FARP1: variants seen among roughly 807,000 people sequenced by gnomAD.
FARP1 encodes the protein FERM, ARHGEF and pleckstrin domain-containing protein 1.
In FARP1, 52 loss-of-function variants were observed where a neutral mutation model predicts 128.8. The observed-to-expected ratio is 0.40, with a 90% CI of 0.32 to 0.51. FARP1 has a LOEUF of 0.51. Ranked by LOEUF, FARP1 falls within the 20% of genes least tolerant of loss-of-function variation. The probability of loss-of-function intolerance (pLI) is 0.45; values close to 1 mark genes in which losing one functional copy is unlikely to be tolerated. For missense variants in FARP1, 1,333 were observed against 1,367.9 expected, an observed-to-expected ratio of 0.97 and a Z score of 0.40; for synonymous variants, 580 against 551.8, an observed-to-expected ratio of 1.05 and a Z score of -0.72.
Position 98,431,106 on chromosome 13 carries a change from A to T in FARP1, c.1969A>T (p.Ser657Cys). Residue 657 changes from serine to cysteine, a missense_variant, in exon 18 of 27, where the codon AGC becomes TGC. Around this residue, in one of 2 missense-constraint regions of FARP1, gnomAD observed 1,009 missense variants for 969.8 expected, o/e 1.04. Transcript: ENST00000319562. ...ALEALENGIK[S>C]SRRLENFCRD... ...GGAGGCCCTGGAGAATGGAATCAAG[A>T]GCTCCCGGCGGCTGGAGAACTTCTG... 1 of 1,614,080 alleles carries T rather than the reference A, an allele frequency of 6.2e-7. No individual in the cohort carries two copies. The highest frequency in any genetic ancestry group is 2.2e-5 in the East Asian group (1 of 44,864).
rs550959413 is a variant in FARP1 at position 98,339,705 on chromosome 13, C to T, written c.172-4057C>T. Among the ~76,000 whole-genome samples the T allele has an allele frequency of 1.4e-4, 21 of 152,222 alleles. No homozygotes were observed. The South Asian group carries it at 4.4e-3, about 32-fold the overall frequency. On this transcript the variant is annotated intron_variant, in intron 2 of 26. Coordinates refer to ENST00000319562, the MANE Select transcript of FARP1 (RefSeq NM_005766.4). ...CTATTGAAACTATAAGTTGACATCA[C>T]CCTATAAAAATTTGGTGCCAAAGAA... is the stretch of plus-strand genomic sequence containing the variant.
intron 13 of FARP1, chr13:98,396,398 C>T (rs1396299680): frequency 7.5e-6 from 3 of 399,128 alleles, no homozygotes; most frequent in Admixed American, 8.8e-5. Context: ...CTGCGTTCCC[C>T]GTCCCTGCTG....
intron 1 of FARP1, among the ~76,000 whole-genome samples, chr13:98,145,961 A>C (rs1316058874): frequency 6.6e-6 from 1 of 152,052 alleles, no homozygotes; most frequent in South Asian, 2.1e-4. Context: ...TGAAAGGGTT[A>C]GTTTTTTTTA....
At chr13:98,392,494 C>G (rs1890351223) in intron 11 of FARP1, among the ~76,000 whole-genome samples, 1 of 148,078 alleles carries the variant, frequency 6.8e-6, no homozygotes, top group African/African-American at 2.6e-5. Context: ...GAGCGAGATC[C>G]TGTCCCAAAA....
At chr13:98,378,690 G>A (rs1488532286) in intron 6 of FARP1, among the ~76,000 whole-genome samples, 1 of 151,348 alleles carries the variant, frequency 6.6e-6, no homozygotes, top group East Asian at 1.9e-4. Context: ...ATTTACAAAG[G>A]TTTATAGGAA....
intron 1 of FARP1, among the ~76,000 whole-genome samples, chr13:98,182,529 A>G (rs964468802): frequency 1.3e-5 from 2 of 151,902 alleles, no homozygotes; most frequent in Non-Finnish European, 2.9e-5. Flanking sequence ...GTCTCGCCAT[A>G]TTGCCCAGGC....
intron 2 of FARP1, among the ~76,000 whole-genome samples, chr13:98,270,405 T>C (rs1182759855): frequency 6.6e-6 from 1 of 152,236 alleles, no homozygotes; most frequent in East Asian, 1.9e-4. Flanking sequence ...TATATGAACA[T>C]GTAAGATTGC....
rs35204639 is a variant in FARP1 at position 98,287,800 on chromosome 13, C to CTT, written c.172-55943_172-55942dup. On this transcript the variant is annotated intron_variant, in intron 2 of 26. Transcript: ENST00000319562. ...TGGTTATGCCATGTCCCAGGCACTT[C>CTT]TTTTTTTTTTTTTTTTTTTTGAGAC... Among the ~76,000 whole-genome samples, 525 of 116,668 alleles carry CTT rather than the reference C, an allele frequency of 4.5e-3. 7 individuals carry two copies. Among genetic ancestry groups the CTT allele is most frequent in the African/African-American group, 0.012 (357 of 28,936 alleles). The allele number at this position is 116,668 out of a possible 152,430, so 76.5% of individuals were successfully genotyped here. A position where few individuals can be genotyped will look rare whatever the true frequency, so the allele number is the denominator to read the frequency against.
chr13:98,422,844 C>G (rs891974314), intron 16 of FARP1, among the ~76,000 whole-genome samples: 4 of 152,110 alleles, frequency 2.6e-5, no homozygotes, highest in Non-Finnish European at 5.9e-5. Flanking sequence ...GGGTTCTTAG[C>G]CACCATATCT....
At chr13:98,395,614 A>C in intron 13 of FARP1, 138 bp downstream of exon 13, 2 of 1,066,130 alleles carry the variant, frequency 1.9e-6, no homozygotes, top group East Asian at 2.5e-5. Context: ...GTCCCAAACA[A>C]ATGACAATTA....
intron 16 of FARP1, among the ~76,000 whole-genome samples, chr13:98,422,767 G>A (rs908417869): frequency 3.9e-5 from 6 of 152,058 alleles, no homozygotes; most frequent in Admixed American, 1.3e-4. Flanking sequence ...TTGATGTATC[G>A]GAGATTGAGT....
At chr13:98,365,373 T>C (rs1465821417) in intron 3 of FARP1, 22 bp from the exon 4 acceptor site, 1 of 1,595,910 alleles carries the variant, frequency 6.3e-7, no homozygotes, top group East Asian at 2.2e-5. Context: ...TAGGTCTTAA[T>C]CTGTTCTTTT....
chr13:98,192,299 G>A (rs549129136), intron 1 of FARP1, among the ~76,000 whole-genome samples: 47 of 152,148 alleles, frequency 3.1e-4, no homozygotes, highest in African/African-American at 1.0e-3. Flanking sequence ...TCCTATAAGT[G>A]ACAAATTATG....
At chr13:98,365,256 C>A in intron 3 of FARP1, 139 bp from the exon 4 acceptor site, 1 of 616,310 alleles carries the variant, frequency 1.6e-6, no homozygotes, top group Non-Finnish European at 2.9e-6. Flanking sequence ...TAAGATACGG[C>A]ATTCTGGAGA....
chr13:98,206,400 G>T (rs530232744), intron 1 of FARP1, among the ~76,000 whole-genome samples: 169 of 152,252 alleles, frequency 1.1e-3, no homozygotes, highest in African/African-American at 4.0e-3. Context: ...AGCTGTTACT[G>T]TGAATCTGCA....
At chr13:98,155,260 G>A (rs576263674) in intron 1 of FARP1, among the ~76,000 whole-genome samples, 5 of 150,180 alleles carry the variant, frequency 3.3e-5, no homozygotes, top group Admixed American at 1.3e-4. Context: ...GCAGGAGAAT[G>A]GCTTGAACCG....
chr13:98,245,044 G>A, intron 2 of FARP1: 1 of 1,052,080 alleles, frequency 9.5e-7, no homozygotes, highest in Non-Finnish European at 1.1e-6. Context: ...GAGGGATTTG[G>A]TTTATTGCTA....
At chr13:98,222,605 G>C (rs1441065042) in intron 2 of FARP1, among the ~76,000 whole-genome samples, 1 of 151,826 alleles carries the variant, frequency 6.6e-6, no homozygotes, top group Non-Finnish European at 1.5e-5. Context: ...GCCTGTGACA[G>C]GTGCCAGTGG....
At chr13:98,211,896 A>G (rs1471738083) in intron 1 of FARP1, among the ~76,000 whole-genome samples, 1 of 152,194 alleles carries the variant, frequency 6.6e-6, no homozygotes, top group Non-Finnish European at 1.5e-5. Context: ...GTGCCTAGGT[A>G]GGCGCTGAGC....
Sources: gnomAD v4.1 joint callset for allele counts (sites outside exome capture counted in the v4.1 genomes callset) on GRCh38, gnomAD v4.1.1 for gene constraint, gnomAD v4.1.1 regional missense constraint, MANE v1.5 for transcripts, NCBI Gene and HGNC (gene_info 2026-07-23, HGNC 2026-07-21) for gene names.